Variants in RSU1 observed in about 807,000 individuals in gnomAD.
The protein encoded by RSU1 is Ras suppressor protein 1.
A neutral mutation model predicts 31.1 loss-of-function variants in RSU1; 26 were observed. That is an observed-to-expected ratio of 0.84 (90% CI 0.61 to 1.16). RSU1 has a LOEUF of 1.16. Among genes scored for constraint, RSU1 ranks in the 50% most tolerant of loss-of-function variants. RSU1 has a pLI of 0.00. For synonymous variants in RSU1, 164 were observed against 136.3 expected (o/e 1.20, Z -1.41); for missense variants, 320 against 339.1 (o/e 0.94, Z 0.44).
intron 2 of RSU1, among the ~76,000 whole-genome samples, chr10:16,815,094 GC>G (rs1267453947): frequency 6.6e-6 from 1 of 152,148 alleles, no homozygotes; most frequent in Non-Finnish European, 1.5e-5. Context: ...TATCAACAGT[GC>G]CCCCAATAAT....
chr10:16,742,808 A>G (rs1352664703), intron 7 of RSU1, among the ~76,000 whole-genome samples: 1 of 152,178 alleles, frequency 6.6e-6, no homozygotes, highest in African/African-American at 2.4e-5. Flanking sequence ...TTATACTACA[A>G]AACGGAAACG....
At chr10:16,715,171 T>C (rs1379951914) in intron 7 of RSU1, among the ~76,000 whole-genome samples, 1 of 152,232 alleles carries the variant, frequency 6.6e-6, no homozygotes, top group Non-Finnish European at 1.5e-5. Flanking sequence ...AGTTGAAATA[T>C]AGTTGTTTAC....
rs1252500141 is a variant in RSU1 at position 16,750,940 on chromosome 10, A to G, written c.598+1599T>C. 2.0e-5 allele frequency among the ~76,000 whole-genome samples: 3 copies of G among 148,070 alleles called. No homozygotes were observed. The East Asian group carries it at 6.0e-4, about 30-fold the overall frequency. On this transcript the variant is annotated intron_variant, in intron 7 of 8. Transcript: ENST00000345264. ...GAGTGCAGTGGCACGATCACTGCTCACTGCAGCTTTGACCTCCCAGGCTCA... is the reference window on the plus strand; with the variant it reads ...GAGTGCAGTGGCACGATCACTGCTCGCTGCAGCTTTGACCTCCCAGGCTCA...
At chr10:16,670,150 C>T (rs1016603553) in intron 8 of RSU1, among the ~76,000 whole-genome samples, 8 of 152,128 alleles carry the variant, frequency 5.3e-5, no homozygotes, top group Non-Finnish European at 2.9e-5. Context: ...TGTTTACTTC[C>T]CATTGCTTAT....
At chr10:16,712,092 T>C (rs907212335) in intron 7 of RSU1, among the ~76,000 whole-genome samples, 1 of 152,204 alleles carries the variant, frequency 6.6e-6, no homozygotes, top group Non-Finnish European at 1.5e-5. Flanking sequence ...AATGACCTTT[T>C]TTCTTTTTCC....
chr10:16,777,636 A>G (rs995970660), intron 3 of RSU1, among the ~76,000 whole-genome samples: 2 of 152,218 alleles, frequency 1.3e-5, no homozygotes, highest in African/African-American at 4.8e-5. Flanking sequence ...CTAGTGGACA[A>G]GTCTTAAAAT....
At chr10:16,743,874 T>C (rs899368045) in intron 7 of RSU1, among the ~76,000 whole-genome samples, 1 of 152,188 alleles carries the variant, frequency 6.6e-6, no homozygotes, top group East Asian at 1.9e-4. Flanking sequence ...CTGATTCCTG[T>C]AATCCTAACA....
intron 8 of RSU1, among the ~76,000 whole-genome samples, chr10:16,630,303 C>A (rs1184113109): frequency 6.6e-6 from 1 of 152,206 alleles, no homozygotes; most frequent in East Asian, 1.9e-4. Context: ...CTACCCATTT[C>A]ATAACTACAC....
rs529086275 is a variant in RSU1 at position 16,761,237 on chromosome 10, C to A, written c.281+3153G>T. 2.6e-5 allele frequency among the ~76,000 whole-genome samples: 4 copies of A among 152,316 alleles called. No homozygotes were observed. In the East Asian group the frequency reaches 5.8e-4, roughly 22 times the overall value. Reference sequence around the variant, plus strand: ...GAACTATAGCTATGAGCCACCACGCCCGAGAGGAGCTGCTTTATTTAGCAC... The same window carrying A: ...GAACTATAGCTATGAGCCACCACGCACGAGAGGAGCTGCTTTATTTAGCAC... On this transcript the variant is annotated intron_variant, in intron 4 of 8. Coordinates refer to ENST00000345264, the MANE Select transcript of RSU1 (RefSeq NM_012425.4).
rs180886862 is a variant in RSU1, at chr10:16,754,854, A to C, written c.400+17T>G. ...AGTACAAGGTTGAGGAGATTTATAGAATTGAAAGTTTCTTACTCAGGTAGA... is the reference window on the plus strand; with the variant it reads ...AGTACAAGGTTGAGGAGATTTATAGCATTGAAAGTTTCTTACTCAGGTAGA... On this transcript the variant is annotated intron_variant, in intron 5 of 8. Coordinates refer to ENST00000345264, the MANE Select transcript of RSU1 (RefSeq NM_012425.4). 2 of 1,482,208 alleles carry C rather than the reference A, an allele frequency of 1.3e-6. No individual in the cohort carries two copies. The highest frequency in any genetic ancestry group is 1.9e-6 in the Non-Finnish European group (2 of 1,062,326). The allele number at this position is 1,482,208 out of a possible 1,614,324, so 91.8% of individuals were successfully genotyped here.
chr10:16,815,701 A>G lies in RSU1; in HGVS notation c.109+1272T>C, dbSNP rs1256508836. Among the ~76,000 whole-genome samples, 7 of 152,212 alleles carry G rather than the reference A, an allele frequency of 4.6e-5. No homozygotes were observed. The South Asian group carries it at 1.4e-3, about 32-fold the overall frequency. On this transcript the variant is annotated intron_variant, in intron 2 of 8. Transcript: ENST00000345264. The stretch of plus-strand genomic sequence containing the variant: ...ATTAAAAAAGAAAAAAATCAGTACA[A>G]TCCTATGTGAGAGGAGTCACAAAGC...
At chr10:16,766,411 G>C (rs1347297572) in intron 3 of RSU1, among the ~76,000 whole-genome samples, 3 of 152,152 alleles carry the variant, frequency 2.0e-5, no homozygotes, top group African/African-American at 7.2e-5. Context: ...CTGTGTGTAA[G>C]GGATTACCAA....
intron 4 of RSU1, among the ~76,000 whole-genome samples, chr10:16,761,046 A>G (rs1289923089): frequency 1.3e-5 from 2 of 152,102 alleles, no homozygotes; most frequent in African/African-American, 4.8e-5. Flanking sequence ...GGTTCAAACG[A>G]TTCTCCTGCC....
chr10:16,803,240 T>TA (rs1838194699), intron 2 of RSU1, among the ~76,000 whole-genome samples: 1 of 152,130 alleles, frequency 6.6e-6, no homozygotes, highest in South Asian at 2.1e-4. Context: ...AATTTTACAT[T>TA]AAAAACACAC....
At chr10:16,740,486 T>C (rs1048689580) in intron 7 of RSU1, among the ~76,000 whole-genome samples, 8 of 152,138 alleles carry the variant, frequency 5.3e-5, no homozygotes, top group Non-Finnish European at 8.8e-5. Context: ...GTACTAGAAG[T>C]TGCAGCCAAA....
At chr10:16,666,408 A>T (rs974074323) in intron 8 of RSU1, among the ~76,000 whole-genome samples, 7 of 152,168 alleles carry the variant, frequency 4.6e-5, no homozygotes, top group Non-Finnish European at 1.0e-4. Flanking sequence ...TCACAACTGC[A>T]CTCTCAAATA....
At chr10:16,771,541 T>C (rs1427419700) in intron 3 of RSU1, among the ~76,000 whole-genome samples, 2 of 152,236 alleles carry the variant, frequency 1.3e-5, no homozygotes, top group Non-Finnish European at 2.9e-5. Context: ...TTAATGATTA[T>C]ACATAAAGAA....
intron 8 of RSU1, among the ~76,000 whole-genome samples, chr10:16,624,602 T>C (rs922741025): frequency 7.9e-5 from 12 of 152,136 alleles, no homozygotes; most frequent in Non-Finnish European, 1.5e-4. Flanking sequence ...GGCACCAGTG[T>C]AGTTTGAAAA....
chr10:16,760,621 C>T (rs2131627879), intron 4 of RSU1, among the ~76,000 whole-genome samples: 1 of 152,092 alleles, frequency 6.6e-6, no homozygotes, highest in Admixed American at 6.5e-5. Context: ...TTATTATCTT[C>T]TTCCCAAACC....
Sources: gnomAD v4.1 joint callset for allele counts (sites outside exome capture counted in the v4.1 genomes callset) on GRCh38, gnomAD v4.1.1 for gene constraint, MANE v1.5 for transcripts, NCBI Gene and HGNC (gene_info 2026-07-23, HGNC 2026-07-21) for gene names.